PCDH9: variants seen among roughly 807,000 people sequenced by gnomAD.
PCDH9 encodes protocadherin 9, also known as protocadherin-9.
In PCDH9, 24 loss-of-function variants were observed where a neutral mutation model predicts 70.6. The observed-to-expected ratio is 0.34, with a 90% CI of 0.25 to 0.48. The LOEUF (loss-of-function observed/expected upper bound fraction) is 0.48. Ranked by LOEUF, PCDH9 falls within the 20% of genes least tolerant of loss-of-function variation. The pLI is 0.99. For synonymous variants in PCDH9, 562 were observed against 558.5 expected (o/e 1.01, Z -0.09); for missense variants, 1,281 against 1,503.6 (o/e 0.85, Z 2.45).
chr13:67,131,110 C>T (rs544414799), intron 2 of PCDH9, among the ~76,000 whole-genome samples: 13 of 152,228 alleles, frequency 8.5e-5, no homozygotes, highest in Non-Finnish European at 1.5e-4. Flanking sequence ...GATATTTACA[C>T]GTTTAACTCA....
intron 3 of PCDH9, among the ~76,000 whole-genome samples, chr13:66,867,404 C>T (rs1325667453): frequency 6.6e-6 from 1 of 152,010 alleles, no homozygotes; most frequent in East Asian, 1.9e-4. Flanking sequence ...TTGCTTATCT[C>T]TAAGTAATAT....
intron 4 of PCDH9, among the ~76,000 whole-genome samples, chr13:66,403,019 T>C (rs1205739737): frequency 1.3e-5 from 2 of 152,116 alleles, no homozygotes; most frequent in Non-Finnish European, 2.9e-5. Context: ...CATAAAAGCT[T>C]CTATAGGTAT....
At chr13:66,498,120 C>G (rs971181315) in intron 4 of PCDH9, among the ~76,000 whole-genome samples, 3 of 151,138 alleles carry the variant, frequency 2.0e-5, no homozygotes, top group African/African-American at 7.3e-5. Context: ...ACGCCCAGCC[C>G]AAACTCTTAC....
intron 2 of PCDH9, among the ~76,000 whole-genome samples, chr13:66,933,639 T>A (rs1431353876): frequency 6.6e-6 from 1 of 152,156 alleles, no homozygotes; most frequent in Non-Finnish European, 1.5e-5. Flanking sequence ...TTTTAGTTGT[T>A]CCTTTTTCTG....
chr13:66,672,455 G>C (rs2078188788), intron 3 of PCDH9, among the ~76,000 whole-genome samples: 1 of 152,192 alleles, frequency 6.6e-6, no homozygotes, highest in Non-Finnish European at 1.5e-5. Context: ...CCCTCATGCA[G>C]AACCTCTGCT....
chr13:66,348,599 A>G (rs909118077), intron 4 of PCDH9, among the ~76,000 whole-genome samples: 1 of 151,630 alleles, frequency 6.6e-6, no homozygotes, highest in Admixed American at 6.6e-5. Context: ...CATGTTGGTC[A>G]GGCTGGTCTC....
chr13:66,929,538 G>A (rs1041571557), intron 2 of PCDH9, among the ~76,000 whole-genome samples: 2 of 152,018 alleles, frequency 1.3e-5, no homozygotes, highest in Non-Finnish European at 2.9e-5. Flanking sequence ...AGGTCAGGGT[G>A]GTCTTGAACT....
chr13:66,623,795 TACTA>T (rs1279381638), intron 4 of PCDH9, among the ~76,000 whole-genome samples: 1 of 152,208 alleles, frequency 6.6e-6, no homozygotes, highest in African/African-American at 2.4e-5. Context: ...TTACTTATAA[TACTA>T]TCTAATTTAC....
At chr13:66,530,586 T>C (rs1236974040) in intron 4 of PCDH9, among the ~76,000 whole-genome samples, 1 of 151,998 alleles carries the variant, frequency 6.6e-6, no homozygotes, top group Non-Finnish European at 1.5e-5. Context: ...TCTAAACAAA[T>C]GCTATTTACA....
chr13:66,419,368 T>A (rs1426946324), intron 4 of PCDH9, among the ~76,000 whole-genome samples: 1 of 151,846 alleles, frequency 6.6e-6, no homozygotes, highest in African/African-American at 2.4e-5. Flanking sequence ...CCACGCAAGA[T>A]GGCGGAATAG....
chr13:66,973,203 G>A (rs1199563304), intron 2 of PCDH9, among the ~76,000 whole-genome samples: 1 of 151,796 alleles, frequency 6.6e-6, no homozygotes, highest in Non-Finnish European at 1.5e-5. Flanking sequence ...CATTGTCCTT[G>A]GTCCAAATTT....
chr13:66,636,546 C>T (rs2077639821), intron 3 of PCDH9, among the ~76,000 whole-genome samples: 1 of 151,776 alleles, frequency 6.6e-6, no homozygotes, highest in African/African-American at 2.4e-5. Context: ...AATTATTGTC[C>T]AATGGAATGT....
intron 4 of PCDH9, among the ~76,000 whole-genome samples, chr13:66,373,692 G>A (rs1956699898): frequency 6.6e-6 from 1 of 151,970 alleles, no homozygotes; most frequent in Admixed American, 6.6e-5. Flanking sequence ...ACACAAATAA[G>A]GAAGAGAAAA....
chr13:67,051,193 G>A lies in PCDH9; in HGVS notation c.3037-147588C>T, dbSNP rs543666792. ...AAACACCTATTACAGTAGCATTTGGGTTAAGCCATATTTTACTCCAAAAGA... is the reference window on the plus strand; with the variant it reads ...AAACACCTATTACAGTAGCATTTGGATTAAGCCATATTTTACTCCAAAAGA... On this transcript the variant is annotated intron_variant, in intron 2 of 4. Coordinates refer to ENST00000377865, the MANE Select transcript of PCDH9 (RefSeq NM_203487.3). Among the ~76,000 whole-genome samples the A allele has an allele frequency of 5.3e-5, 8 of 152,026 alleles. No homozygotes were observed. In the South Asian group the frequency reaches 1.7e-3, roughly 32 times the overall value.
intron 3 of PCDH9, among the ~76,000 whole-genome samples, chr13:66,832,038 T>A (rs1000955257): frequency 2.0e-5 from 3 of 152,134 alleles, no homozygotes; most frequent in Non-Finnish European, 4.4e-5. Context: ...GACCAAAACA[T>A]AGGAGGCCAC....
rs1957025901 is a variant in PCDH9, at chr13:66,391,908, T to TA, written c.3341-86881_3341-86880insT. Among the ~76,000 whole-genome samples, 4 of 114,438 alleles carry TA rather than the reference T, an allele frequency of 3.5e-5. No individual in the cohort carries two copies. The Admixed American group carries it at 3.6e-4, about 10-fold the overall frequency. 75.1% of individuals were successfully genotyped at this position (114,438 alleles called of 152,430 possible). ...CATATATATATATATATATATATGT[T>TA]TGTGCATACATACACACAATCACAC... On this transcript the variant is annotated intron_variant, in intron 4 of 4. Coordinates refer to ENST00000377865, the MANE Select transcript of PCDH9 (RefSeq NM_203487.3).
At chr13:67,162,700 T>C (rs73509471) in intron 2 of PCDH9, among the ~76,000 whole-genome samples, 35 of 152,280 alleles carry the variant, frequency 2.3e-4, no homozygotes, top group African/African-American at 8.2e-4. Context: ...TCAGAGTCTT[T>C]AACATCTTTT....
chr13:66,595,571 T>G (rs1811810972), intron 4 of PCDH9, among the ~76,000 whole-genome samples: 1 of 151,734 alleles, frequency 6.6e-6, no homozygotes, highest in South Asian at 2.1e-4. Flanking sequence ...TATATGTGTT[T>G]TCTTCCTCTA....
At chr13:66,318,477 G>T (rs1038893014) in intron 4 of PCDH9, among the ~76,000 whole-genome samples, 1 of 152,052 alleles carries the variant, frequency 6.6e-6, no homozygotes. Context: ...TATTTATCAT[G>T]TTTCTGAAAT....
Sources: allele counts gnomAD v4.1 joint callset (sites outside exome capture counted in the v4.1 genomes callset), GRCh38; gene constraint gnomAD v4.1.1; transcripts MANE v1.5; gene names NCBI Gene and HGNC (gene_info 2026-07-23, HGNC 2026-07-21).